The following CCDC13 variants were observed in gnomAD, a reference collection of about 807,000 sequenced individuals.
The protein encoded by CCDC13 is coiled-coil domain containing 13.
In CCDC13, 70 loss-of-function variants were observed where a neutral mutation model predicts 87.3. The observed-to-expected ratio is 0.80, with a 90% confidence interval of 0.66 to 0.98. CCDC13 has a LOEUF of 0.98. Among genes scored for constraint, CCDC13 ranks in the 50% least tolerant of loss-of-function variants. The pLI is 0.00. For synonymous variants in CCDC13, 317 were observed against 360.3 expected, an observed-to-expected ratio of 0.88 and a Z score of 1.36; for missense variants, 842 against 892.0, an observed-to-expected ratio of 0.94 and a Z score of 0.71.
chr3:42,765,635 G>T (rs9880635), intron 1 of CCDC13, among the ~76,000 whole-genome samples: 51,827 of 151,972 alleles, frequency 0.34, 9,284 homozygotes, highest in African/African-American at 0.44. Context: ...AGAATGAGAG[G>T]TGTTAAGCAC....
chr3:42,730,331 T>G, intron 13 of CCDC13, 136 bp downstream of exon 13: 2 of 1,260,768 alleles, frequency 1.6e-6, no homozygotes, highest in Non-Finnish European at 2.2e-6. Flanking sequence ...GGCGCATGAG[T>G]TGTGGCTAGG....
rs199602102 is a variant in CCDC13, at chr3:42,752,630, C to T, written c.458G>A (p.Gly153Asp). 1.1e-5 allele frequency: 17 copies of T among 1,614,214 alleles called. No homozygotes were observed. The East Asian group carries it at 3.1e-4, about 30-fold the overall frequency. Residue 153 changes from glycine to aspartate, a missense_variant, in exon 4 of 16, where the codon GGT (glycine) becomes GAT (aspartate). By Grantham distance (94) the Gly-to-Asp change is moderately conservative (BLOSUM62 -1). Transcript: ENST00000310232. ...CAGCTGCTTCACCCTGGTTTTTGCA[C>T]CCTCTGATTCTGCCATCAACAGCCG... ...KNRLLMAESE[G>D]AKTRVKQLTN...
intron 5 of CCDC13, chr3:42,749,846 G>A: frequency 2.2e-6 from 1 of 456,688 alleles, no homozygotes; most frequent in South Asian, 1.5e-5. Flanking sequence ...CCCAAGCAGA[G>A]GGAAGGGTGT....
chr3:42,755,655 C>T (rs933958909), intron 3 of CCDC13, among the ~76,000 whole-genome samples: 1 of 152,162 alleles, frequency 6.6e-6, no homozygotes. Context: ...ATTTTCTCTC[C>T]AAAACGTGAG....
chr3:42,719,790 G>C (rs1220840176), intron 13 of CCDC13, among the ~76,000 whole-genome samples: 1 of 148,320 alleles, frequency 6.7e-6, no homozygotes, highest in Non-Finnish European at 1.5e-5. Flanking sequence ...CAGCTTAGGG[G>C]ATGACTCCTT....
chr3:42,758,456 G>A (rs1699758404), intron 1 of CCDC13, 105 bp from the exon 2 acceptor site: 9 of 1,073,202 alleles, frequency 8.4e-6, no homozygotes, highest in Admixed American at 7.3e-5. Flanking sequence ...ACTGCTTCGC[G>A]TTGCATGTAT....
chr3:42,736,053 C>T (rs1699004836), intron 9 of CCDC13, 140 bp from the exon 10 acceptor site: 1 of 735,422 alleles, frequency 1.4e-6, no homozygotes, highest in East Asian at 2.7e-5. Flanking sequence ...GAGGCAGGAA[C>T]ACCTTCCTTG....
chr3:42,742,143 G>C (rs339684), intron 8 of CCDC13, among the ~76,000 whole-genome samples: 47,111 of 152,080 alleles, frequency 0.31, 7,552 homozygotes, highest in East Asian at 0.53. Flanking sequence ...CTTGGGGCAG[G>C]TGTCTGAAGC....
chr3:42,752,395 C>A (rs559390370), intron 4 of CCDC13, among the ~76,000 whole-genome samples, 180 bp downstream of exon 4: 18 of 152,280 alleles, frequency 1.2e-4, no homozygotes, highest in South Asian at 2.1e-4. Context: ...CACCAAGAAG[C>A]CTGTTGGAGG....
chr3:42,768,706 AT>A (rs1363303772), intron 1 of CCDC13, among the ~76,000 whole-genome samples: 1 of 144,354 alleles, frequency 6.9e-6, no homozygotes, highest in Non-Finnish European at 1.5e-5. Flanking sequence ...ATAAAAAAAA[AT>A]AAAAAACAAG....
chr3:42,752,118 C>A, intron 4 of CCDC13, 93 bp from the exon 5 acceptor site: 1 of 1,096,690 alleles, frequency 9.1e-7, no homozygotes. Context: ...GGTTACCTAT[C>A]TTGGTGGTGT....
intron 3 of CCDC13, among the ~76,000 whole-genome samples, chr3:42,753,635 G>A (rs972030281): frequency 5.3e-5 from 8 of 152,184 alleles, no homozygotes; most frequent in Non-Finnish European, 5.9e-5. Context: ...GGGTAAGAAC[G>A]AGGGAGATGA....
chr3:42,742,368 C>T (rs567805213), intron 8 of CCDC13, among the ~76,000 whole-genome samples: 3 of 152,290 alleles, frequency 2.0e-5, no homozygotes, highest in East Asian at 3.9e-4. Flanking sequence ...GGAGAAGGTG[C>T]TGAGAGCAAG....
chr3:42,761,309 T>G (rs1447246656), intron 1 of CCDC13, among the ~76,000 whole-genome samples: 2 of 152,118 alleles, frequency 1.3e-5, no homozygotes, highest in African/African-American at 4.8e-5. Context: ...GGAATGTCCT[T>G]CCCCCAGACA....
At chr3:42,752,792 C>T (rs1022452505) in intron 3 of CCDC13, 75 bp from the exon 4 acceptor site, 25 of 1,554,904 alleles carry the variant, frequency 1.6e-5, no homozygotes, top group Non-Finnish European at 2.1e-5. Context: ...CCACTAACAG[C>T]ACCAGGGTCT....
At chr3:42,772,525 T>G (rs941803286) in intron 1 of CCDC13, among the ~76,000 whole-genome samples, 1 of 152,162 alleles carries the variant, frequency 6.6e-6, no homozygotes, top group Admixed American at 6.5e-5. Context: ...CCTCTCCTTC[T>G]CTTTCTTCTT....
chr3:42,740,162 C>A (rs985917462), intron 8 of CCDC13, among the ~76,000 whole-genome samples: 3 of 152,170 alleles, frequency 2.0e-5, no homozygotes, highest in Non-Finnish European at 4.4e-5. Context: ...AGCCCCTCCC[C>A]AAGCAGGGGA....
intron 3 of CCDC13, among the ~76,000 whole-genome samples, chr3:42,754,120 T>C (rs1699652571): frequency 6.6e-6 from 1 of 152,200 alleles, no homozygotes; most frequent in African/African-American, 2.4e-5. Flanking sequence ...GGCAGTCCTA[T>C]TTTTTAGTCC....
At chr3:42,771,319 T>G (rs1700098166) in intron 1 of CCDC13, among the ~76,000 whole-genome samples, 2 of 152,150 alleles carry the variant, frequency 1.3e-5, no homozygotes, top group Non-Finnish European at 2.9e-5. Context: ...AAAATATCAG[T>G]GGTTTCCAGG....
Sources: allele counts gnomAD v4.1 joint callset (sites outside exome capture counted in the v4.1 genomes callset), GRCh38; gene constraint gnomAD v4.1.1; transcripts MANE v1.5; gene names NCBI Gene and HGNC (gene_info 2026-07-23, HGNC 2026-07-21).